RIT2: variants seen among roughly 807,000 people sequenced by gnomAD.
The protein encoded by RIT2 is Ras like without CAAX 2.
Under a neutral mutation model 23.7 loss-of-function variants are expected in RIT2, and 24 were observed. The observed-to-expected ratio is 1.01, with a 90% confidence interval of 0.73 to 1.43. The LOEUF is 1.43. Ranked by LOEUF, RIT2 falls within the 40% of genes most tolerant of loss-of-function variation. The pLI, the probability that RIT2 is intolerant of heterozygous loss-of-function variation, is 0.00. For synonymous variants in RIT2, 107 were observed against 91.1 expected, an observed-to-expected ratio of 1.17 and a Z score of -0.99; for missense variants, 236 against 266.9, an observed-to-expected ratio of 0.88 and a Z score of 0.81.
At chr18:42,831,568 GC>G (rs1398670711) in intron 4 of RIT2, among the ~76,000 whole-genome samples, 1 of 152,058 alleles carries the variant, frequency 6.6e-6, no homozygotes, top group African/African-American at 2.4e-5. Context: ...TGGACACGGG[GC>G]TTGTTTGAGG....
intron 4 of RIT2, among the ~76,000 whole-genome samples, chr18:42,869,911 ACT>A (rs1376018428): frequency 2.0e-5 from 3 of 151,996 alleles, no homozygotes; most frequent in Non-Finnish European, 4.4e-5. Flanking sequence ...TCCTTTCTCT[ACT>A]CTCTGCCTGT....
At chr18:43,088,693 C>A (rs868066428) in intron 1 of RIT2, among the ~76,000 whole-genome samples, 1 of 152,086 alleles carries the variant, frequency 6.6e-6, no homozygotes, top group Non-Finnish European at 1.5e-5. Flanking sequence ...TTTGGTCTGA[C>A]ATATTTATCA....
chr18:42,871,543 A>G (rs1907621433), intron 4 of RIT2, among the ~76,000 whole-genome samples: 1 of 152,244 alleles, frequency 6.6e-6, no homozygotes, highest in African/African-American at 2.4e-5. Flanking sequence ...GAATCTGTTT[A>G]AGCCAGATAT....
At chr18:43,031,913 G>A (rs751962111) in intron 2 of RIT2, among the ~76,000 whole-genome samples, 1 of 151,968 alleles carries the variant, frequency 6.6e-6, no homozygotes, top group African/African-American at 2.4e-5. Flanking sequence ...CTCTTAAGAG[G>A]TCATTAAGTC....
At chr18:42,929,050 T>TATATATAA (rs1312786218) in intron 3 of RIT2, among the ~76,000 whole-genome samples, 1 of 144,776 alleles carries the variant, frequency 6.9e-6, no homozygotes, top group African/African-American at 2.5e-5. Flanking sequence ...TATATATATA[T>TATATATAA]ATATATATTT....
intron 4 of RIT2, among the ~76,000 whole-genome samples, chr18:42,799,062 A>G (rs1359533288): frequency 6.6e-6 from 1 of 152,222 alleles, no homozygotes; most frequent in Non-Finnish European, 1.5e-5. Flanking sequence ...CTGTCAACAT[A>G]TTAACTTCAG....
chr18:43,016,151 C>G (rs1031054999), intron 2 of RIT2, among the ~76,000 whole-genome samples: 1 of 151,834 alleles, frequency 6.6e-6, no homozygotes, highest in African/African-American at 2.4e-5. Context: ...GTCAAGTAAG[C>G]ATGAAGATGC....
intron 4 of RIT2, among the ~76,000 whole-genome samples, chr18:42,864,857 T>C (rs999824510): frequency 2.0e-5 from 3 of 152,178 alleles, no homozygotes; most frequent in African/African-American, 7.2e-5. Context: ...GGGATTGCTA[T>C]AGACCCAGCT....
At chr18:43,010,800 G>C (rs9304291) in intron 2 of RIT2, among the ~76,000 whole-genome samples, 144,952 of 151,830 alleles carry the variant, frequency 0.95, 69,547 homozygotes, top group East Asian at 1. Context: ...GTTGTAAACA[G>C]GTAACTGTGC....
At chr18:43,006,806 A>C (rs1443766963) in intron 2 of RIT2, among the ~76,000 whole-genome samples, 4 of 151,560 alleles carry the variant, frequency 2.6e-5, no homozygotes, top group Non-Finnish European at 5.9e-5. Context: ...ATTCAAGATG[A>C]TTTTCTGGAA....
intron 1 of RIT2, among the ~76,000 whole-genome samples, chr18:43,058,204 A>T (rs1168224100): frequency 1.3e-5 from 2 of 152,124 alleles, no homozygotes; most frequent in African/African-American, 4.8e-5. Flanking sequence ...ATGTATTTCA[A>T]ATATCAAATA....
chr18:42,926,266 A>G (rs1455336917), intron 3 of RIT2, among the ~76,000 whole-genome samples: 1 of 151,940 alleles, frequency 6.6e-6, no homozygotes, highest in African/African-American at 2.4e-5. Flanking sequence ...TTCCACTTTT[A>G]CAAATTGTAG....
chr18:43,101,442 AG>A (rs1913682179), intron 1 of RIT2, among the ~76,000 whole-genome samples: 2 of 152,218 alleles, frequency 1.3e-5, no homozygotes, highest in South Asian at 4.1e-4. Context: ...TTTAATACAA[AG>A]ACATAAAGGT....
At chr18:43,096,753 TA>T (rs768556596) in intron 1 of RIT2, among the ~76,000 whole-genome samples, 115 of 152,058 alleles carry the variant, frequency 7.6e-4, no homozygotes, top group Middle Eastern at 6.8e-3. Context: ...CTTTCTAGGT[TA>T]TTTTTTTAAT....
intron 1 of RIT2, among the ~76,000 whole-genome samples, chr18:43,041,238 G>A (rs974793294): frequency 8.5e-5 from 13 of 152,174 alleles, no homozygotes; most frequent in Non-Finnish European, 1.8e-4. Flanking sequence ...GAGTGTGTAT[G>A]AGTAGAGAAG....
intron 1 of RIT2, among the ~76,000 whole-genome samples, chr18:43,068,145 C>T (rs1217378166): frequency 6.6e-6 from 1 of 152,132 alleles, no homozygotes. Context: ...TATAAGATAG[C>T]TACAATTTAT....
chr18:43,098,282 T>C (rs913704705), intron 1 of RIT2, among the ~76,000 whole-genome samples: 3 of 151,892 alleles, frequency 2.0e-5, no homozygotes, highest in African/African-American at 7.2e-5. Flanking sequence ...GTCAGAGTTT[T>C]CAAAAATGGC....
chr18:42,888,324 T>G (rs376728944), intron 4 of RIT2, among the ~76,000 whole-genome samples: 8 of 152,108 alleles, frequency 5.3e-5, no homozygotes, highest in East Asian at 1.9e-4. Flanking sequence ...AAGGGTTTTT[T>G]TTTGTTTGTT....
intron 4 of RIT2, among the ~76,000 whole-genome samples, chr18:42,816,535 A>T (rs1410413478): frequency 6.6e-6 from 1 of 152,206 alleles, no homozygotes; most frequent in Non-Finnish European, 1.5e-5. Context: ...TGTGATACTT[A>T]AGCAAGTCTG....
Sources: gnomAD v4.1 joint callset for allele counts (sites outside exome capture counted in the v4.1 genomes callset) on GRCh38, gnomAD v4.1.1 for gene constraint, MANE v1.5 for transcripts, NCBI Gene and HGNC (gene_info 2026-07-23, HGNC 2026-07-21) for gene names.